Variants in CNR1 observed in about 807,000 individuals in gnomAD.
CNR1 encodes the protein cannabinoid receptor 1.
CNR1 carries 10 observed loss-of-function variants against 23.0 expected under a neutral mutation model. That is an observed-to-expected ratio of 0.43 (90% CI 0.27 to 0.74). The LOEUF (loss-of-function observed/expected upper bound fraction) is 0.74. Among genes scored for constraint, CNR1 ranks in the 30% least tolerant of loss-of-function variants. CNR1 has a pLI of 0.19. For missense variants in CNR1, 422 were observed against 618.8 expected, an observed-to-expected ratio of 0.68 and a Z score of 3.37; for synonymous variants, 271 against 255.2, an observed-to-expected ratio of 1.06 and a Z score of -0.59.
chr6:88,158,126 C>T (rs934725360), intron 1 of CNR1, among the ~76,000 whole-genome samples: 1 of 152,078 alleles, frequency 6.6e-6, no homozygotes, highest in African/African-American at 2.4e-5. Context: ...TAAATAATTA[C>T]ATACAAACAG....
chr6:88,167,137 C>T (rs935781354), upstream of CNR1, among the ~76,000 whole-genome samples: 1 of 152,078 alleles, frequency 6.6e-6, no homozygotes, highest in East Asian at 1.9e-4. Context: ...GGCTCCGCGC[C>T]TCCCGGCCCG....
intron 1 of CNR1, among the ~76,000 whole-genome samples, chr6:88,154,879 C>T (rs2127762358): frequency 6.6e-6 from 1 of 152,290 alleles, no homozygotes; most frequent in Non-Finnish European, 1.5e-5. Context: ...TGTGCCCGCC[C>T]AGAAAGCAAT....
chr6:88,155,705 G>A (rs1326022166), intron 1 of CNR1, among the ~76,000 whole-genome samples: 7 of 152,166 alleles, frequency 4.6e-5, no homozygotes, highest in African/African-American at 1.4e-4. Context: ...CTTGCTCCAC[G>A]GTCTTCAGCA....
In CNR1 at chr6:88,144,795, C is replaced by A; in HGVS notation, c.480G>T (p.Ala160=). 6 of 1,614,142 alleles carry A rather than the reference C, an allele frequency of 3.7e-6. No individual in the cohort carries two copies. Among genetic ancestry groups the A allele is most frequent in the Non-Finnish European group, 4.2e-6 (5 of 1,180,030 alleles). ...TGACACTCCCCAGGAGGTCTGCCAC[C>A]GCCAGGCTGCCGATGAAGTGGTAGG... ...RPSYHFIGSL[A]VADLLGSVIF... is the part of the protein sequence containing the mutation. Residue 160 remains alanine (A), a synonymous_variant, in exon 2 of 2, where the codon GCG becomes GCT. Coordinates refer to ENST00000369501, the MANE Select transcript of CNR1 (RefSeq NM_016083.6). The surrounding 1 kb of genome is among the most constrained non-coding windows in gnomAD (Gnocchi z 7.8).
Position 88,144,003 on chromosome 6 carries a change from G to C in CNR1, c.1272C>G (p.Asn424Lys). ...SCEGTAQPLD[N>K]SMGDSDCLHK... The stretch of plus-strand genomic sequence containing the variant: ...GCAGGCAGTCCGAGTCCCCCATGCT[G>C]TTATCCAGAGGCTGCGCAGTGCCTT... Residue 424 changes from asparagine to lysine, a missense_variant, in exon 2 of 2, where the codon AAC (asparagine) becomes AAG (lysine). Asn to Lys is a moderately conservative substitution (Grantham distance 94). Coordinates refer to ENST00000369501, the MANE Select transcript of CNR1 (RefSeq NM_016083.6). This position sits in a 1 kb window ranked among gnomAD's most constrained non-coding sequence, Gnocchi z 7.8. 6.2e-7 allele frequency: 1 copy of C among 1,614,038 alleles called. No individual in the cohort carries two copies. Among genetic ancestry groups the C allele is most frequent in the Non-Finnish European group, 8.5e-7 (1 of 1,180,022 alleles).
chr6:88,141,249 A>C lies in CNR1; in HGVS notation c.*2607T>G, dbSNP rs771055920. Reference sequence around the variant, plus strand: ...TAAGAAATGATATGAAAAGTGTCAAAGTGAATCTAACTAGTTTTAAACCTT... The same window carrying C: ...TAAGAAATGATATGAAAAGTGTCAACGTGAATCTAACTAGTTTTAAACCTT... On this transcript the variant is annotated 3_prime_UTR_variant, in exon 2 of 2. Coordinates refer to ENST00000369501, the MANE Select transcript of CNR1 (RefSeq NM_016083.6). The C allele has an allele frequency of 1.3e-5, 2 of 152,792 alleles. No individual in the cohort carries two copies. Among genetic ancestry groups the C allele is most frequent in the East Asian group, 1.9e-4 (1 of 5,338 alleles). 9.5% of individuals were successfully genotyped at this position (152,792 alleles called of 1,614,324 possible).
intron 1 of CNR1, among the ~76,000 whole-genome samples, chr6:88,146,799 T>TG (rs1777213974): frequency 6.6e-6 from 1 of 152,170 alleles, no homozygotes; most frequent in Non-Finnish European, 1.5e-5. Context: ...TGTATGGGGT[T>TG]GGGGGAGAGA....
upstream of CNR1, among the ~76,000 whole-genome samples, chr6:88,166,650 G>C (rs2127776262): frequency 6.6e-6 from 1 of 152,254 alleles, no homozygotes; most frequent in Admixed American, 6.5e-5. Flanking sequence ...TGTGCTCCCG[G>C]ATACCCTCAC....
At chr6:88,150,113 T>TGA (rs1777437641) in intron 1 of CNR1, among the ~76,000 whole-genome samples, 1 of 152,256 alleles carries the variant, frequency 6.6e-6, no homozygotes, top group Non-Finnish European at 1.5e-5. Flanking sequence ...AACCAGAGTT[T>TGA]GAGCCTCCAT....
intron 1 of CNR1, among the ~76,000 whole-genome samples, chr6:88,152,070 G>A (rs1777548750): frequency 6.6e-6 from 1 of 152,038 alleles, no homozygotes; most frequent in African/African-American, 2.4e-5. Flanking sequence ...AAGCCATTTT[G>A]CATCTTATAT....
intron 1 of CNR1, among the ~76,000 whole-genome samples, chr6:88,151,637 GCTATATA>G (rs1163605502): frequency 6.6e-6 from 1 of 151,444 alleles, no homozygotes; most frequent in South Asian, 2.1e-4. Context: ...ATGGCTCTTT[GCTATATA>G]CTATATACTA....
chr6:88,151,290 G>A lies in CNR1; in HGVS notation c.-63-5953C>T, dbSNP rs147002130. On this transcript the variant is annotated intron_variant, in intron 1 of 1. Transcript: ENST00000369501. Reference sequence around the variant, plus strand: ...TACTATACTGGACAGTGCAGGTCTAGGGCCCTTACTTGTAGCTTTTTTTGA... The same window carrying A: ...TACTATACTGGACAGTGCAGGTCTAAGGCCCTTACTTGTAGCTTTTTTTGA... 5.1e-3 allele frequency among the ~76,000 whole-genome samples: 769 copies of A among 152,260 alleles called. 6 individuals are homozygous for A. The highest frequency in any genetic ancestry group is 8.2e-3 in the Non-Finnish European group (557 of 68,012).
chr6:88,159,037 G>A (rs1777949121), intron 1 of CNR1, among the ~76,000 whole-genome samples: 1 of 152,076 alleles, frequency 6.6e-6, no homozygotes, highest in African/African-American at 2.4e-5. Context: ...AATGTGTACT[G>A]ATATAATACA....
At chr6:88,157,243 A>G (rs1366452576) in intron 1 of CNR1, among the ~76,000 whole-genome samples, 1 of 152,084 alleles carries the variant, frequency 6.6e-6, no homozygotes, top group African/African-American at 2.4e-5. Flanking sequence ...ATGTTTCCCA[A>G]ATGGGTTTCT....
At position 88,144,832 on chromosome 6, in the gene CNR1, C is replaced by A. The variant is rs1274654924; in HGVS notation, c.443G>T (p.Arg148Leu). Residue 148 changes from arginine to leucine, a missense_variant, in exon 2 of 2, where the codon CGC becomes CTC. By Grantham distance (102) the Arg-to-Leu change is moderately radical (BLOSUM62 -2). Transcript: ENST00000369501. This position sits in a 1 kb window ranked among gnomAD's most constrained non-coding sequence, Gnocchi z 7.8. ...LCVILHSRSL[R>L]CRPSYHFIGS... The stretch of plus-strand genomic sequence containing the variant: ...GATGAAGTGGTAGGAAGGCCTGCAG[C>A]GGAGGCTGCGGGAGTGGAGGATGAC... 1 of 1,614,166 alleles carries A rather than the reference C, an allele frequency of 6.2e-7. No individual in the cohort carries two copies. Among genetic ancestry groups the A allele is most frequent in the Non-Finnish European group, 8.5e-7 (1 of 1,180,020 alleles).
At position 88,143,907 on chromosome 6, in the gene CNR1, A is replaced by G; in HGVS notation, c.1368T>C (p.Ile456=). The change falls in exon 2 of 2, where the codon ATT becomes ATC. Residue 456 remains isoleucine (I), a synonymous_variant. Transcript: ENST00000369501. ...TGGACACAGACATGGTTACCTTGGC[A>G]ATCTTGACCGTGCTCTTGATGCAGC... ...AESCIKSTVK[I]AKVTMSVSTD... 1 of 1,614,096 alleles carries G rather than the reference A, an allele frequency of 6.2e-7. No individual in the cohort carries two copies. The highest frequency in any genetic ancestry group is 1.3e-5 in the African/African-American group (1 of 75,024).
rs1290105716 is a variant in CNR1, at chr6:88,144,717, G to C, written c.558C>G (p.Arg186=). 6.2e-7 allele frequency: 1 copy of C among 1,614,190 alleles called. No homozygotes were observed. The highest frequency in any genetic ancestry group is 8.5e-7 in the Non-Finnish European group (1 of 1,180,042). ...DFHVFHRKDS[R]NVFLFKLGGV... ...CACCCAGTTTGAACAGAAACACGTT[G>C]CGGCTATCTTTGCGGTGGAACACGT... The change falls in exon 2 of 2, where the codon CGC becomes CGG. Residue 186 remains arginine, a synonymous_variant. Transcript: ENST00000369501. The surrounding 1 kb of genome is among the most constrained non-coding windows in gnomAD (Gnocchi z 7.8).
At chr6:88,165,044 A>G (rs1353488267) in intron 1 of CNR1, among the ~76,000 whole-genome samples, 1 of 152,240 alleles carries the variant, frequency 6.6e-6, no homozygotes, top group Admixed American at 6.5e-5. Context: ...GTTACTAAAC[A>G]TTTCTTTTGT....
At chr6:88,161,138 A>G (rs1778083890) in intron 1 of CNR1, among the ~76,000 whole-genome samples, 1 of 152,254 alleles carries the variant, frequency 6.6e-6, no homozygotes, top group African/African-American at 2.4e-5. Flanking sequence ...TTAAAAAAGA[A>G]TTTGCTCAAA....
Sources: allele counts gnomAD v4.1 joint callset (sites outside exome capture counted in the v4.1 genomes callset), GRCh38; gene constraint gnomAD v4.1.1; non-coding constraint Gnocchi (gnomAD v3.1); transcripts MANE v1.5; gene names NCBI Gene and HGNC (gene_info 2026-07-23, HGNC 2026-07-21).